Variants in SI observed in about 807,000 individuals in gnomAD.
SI encodes the protein sucrase-isomaltase, also known as sucrase-isomaltase, intestinal.
In SI, 235 loss-of-function variants were observed where a neutral mutation model predicts 253.3. The ratio of observed to expected loss-of-function variants is 0.93; its 90% CI spans 0.83 to 1.03. The LOEUF is 1.03. Among genes scored for constraint, SI ranks in the 50% least tolerant of loss-of-function variants. The pLI is 0.00. For missense variants in SI, 2,442 were observed against 2,211.1 expected, an observed-to-expected ratio of 1.10 and a Z score of -2.09; for synonymous variants, 819 against 712.0, an observed-to-expected ratio of 1.15 and a Z score of -2.39.
upstream of SI, among the ~76,000 whole-genome samples, chr3:165,082,413 C>T (rs1715366430): frequency 2.0e-5 from 3 of 151,928 alleles, no homozygotes; most frequent in South Asian, 4.1e-4. Flanking sequence ...TAAAACCACC[C>T]ACCTCTCACC....
chr3:165,015,111 T>C lies in SI; in HGVS notation c.3999+12A>G. 1 of 1,569,094 alleles carries C rather than the reference T, an allele frequency of 6.4e-7. No individual in the cohort carries two copies. The highest frequency in any genetic ancestry group is 8.8e-7 in the Non-Finnish European group (1 of 1,139,336). On this transcript the variant is annotated intron_variant, in intron 33 of 47. Transcript: ENST00000264382. Reference sequence around the variant, plus strand: ...TTTGTATTTATTCTATTTCAAGATATCGATTTAGTACCTTTGCCCAACAAA... The same window carrying C: ...TTTGTATTTATTCTATTTCAAGATACCGATTTAGTACCTTTGCCCAACAAA...
rs573948727 is a variant in SI, at chr3:165,011,732, TTTA to T, written c.4062+1245_4062+1247del. ...TTATTGTTCTATTTATGTATTATCA[TTTA>T]TTATTTATTTATTCATTATTGTTAT... On this transcript the variant is annotated intron_variant, in intron 34 of 47. Transcript: ENST00000264382. Among the ~76,000 whole-genome samples the T allele has an allele frequency of 3.0e-3, 432 of 145,704 alleles. 5 individuals carry two copies. The highest frequency in any genetic ancestry group is 0.01 in the African/African-American group (413 of 39,854).
At chr3:165,045,596 T>A (rs887581571) in intron 16 of SI, among the ~76,000 whole-genome samples, 34 of 152,050 alleles carry the variant, frequency 2.2e-4, no homozygotes, top group South Asian at 4.1e-4. Flanking sequence ...TTATTTTAAT[T>A]ACTTACATCT....
chr3:165,049,630 T>C (rs1713326741), intron 14 of SI, among the ~76,000 whole-genome samples, 161 bp downstream of exon 14: 1 of 152,098 alleles, frequency 6.6e-6, no homozygotes, highest in African/African-American at 2.4e-5. Context: ...AATATAATCC[T>C]AGGCAGAAAA....
chr3:165,066,098 T>C (rs1291631656), intron 6 of SI, among the ~76,000 whole-genome samples: 2 of 151,910 alleles, frequency 1.3e-5, no homozygotes, highest in African/African-American at 2.4e-5. Flanking sequence ...ACTGAACATA[T>C]ACAGACTTAT....
intron 16 of SI, among the ~76,000 whole-genome samples, chr3:165,043,456 T>C (rs1179594605): frequency 6.6e-6 from 1 of 152,068 alleles, no homozygotes; most frequent in African/African-American, 2.4e-5. Context: ...CATTAATTCA[T>C]TGTAAAAGAT....
chr3:165,075,409 ATAAT>A (rs1714890794), intron 2 of SI, among the ~76,000 whole-genome samples: 1 of 152,102 alleles, frequency 6.6e-6, no homozygotes, highest in East Asian at 1.9e-4. Context: ...TCAGAAACAG[ATAAT>A]TAAACTATCC....
rs891855800 is a variant in SI, at chr3:164,992,207, G to T, written c.4953C>A (p.Val1651=). 1.2e-6 allele frequency: 2 copies of T among 1,611,956 alleles called. No homozygotes were observed. Among genetic ancestry groups the T allele is most frequent in the Non-Finnish European group, 1.7e-6 (2 of 1,179,272 alleles). Residue 1651 remains valine, a synonymous_variant, in exon 43 of 48, where the codon GTC becomes GTA. Transcript: ENST00000264382. The stretch of plus-strand genomic sequence containing the variant: ...GGTAGTCAAACCACCGAGCATTGGG[G>T]ACGTAGGCATTTACAGTTTGAACAT... ...EPYVQTVNAY[V]PNARWFDYHT...
chr3:165,034,621 C>A (rs1397543169), intron 22 of SI, among the ~76,000 whole-genome samples: 3 of 151,900 alleles, frequency 2.0e-5, no homozygotes, highest in Non-Finnish European at 4.4e-5. Flanking sequence ...TAAGAAAGAG[C>A]AAGAAGATTG....
intron 31 of SI, among the ~76,000 whole-genome samples, chr3:165,016,896 G>A (rs1041449729): frequency 9.9e-5 from 15 of 151,796 alleles, no homozygotes; most frequent in African/African-American, 3.1e-4. Flanking sequence ...CTCTATATTG[G>A]ACCCTACTAT....
At chr3:165,054,868 A>G (rs533336740) in intron 13 of SI, among the ~76,000 whole-genome samples, 1 of 152,300 alleles carries the variant, frequency 6.6e-6, no homozygotes, top group African/African-American at 2.4e-5. Context: ...TTGCACTGCA[A>G]TAGGCTTATC....
chr3:165,028,509 T>G (rs1435253855), intron 25 of SI, among the ~76,000 whole-genome samples: 1 of 151,376 alleles, frequency 6.6e-6, no homozygotes, highest in Admixed American at 6.6e-5. Context: ...AGAACAAATC[T>G]GGAGGCATCA....
In SI at chr3:165,005,331, T is replaced by TA. The variant is rs748165915; in HGVS notation, c.4406+1484dup. Among the ~76,000 whole-genome samples, 23 of 151,866 alleles carry TA rather than the reference T, an allele frequency of 1.5e-4. 1 individual carries two copies. In the East Asian group the frequency reaches 1.6e-3, roughly 10 times the overall value. On this transcript the variant is annotated intron_variant, in intron 37 of 47. Transcript: ENST00000264382. ...GTCAATAATAGTTTAATTGTATACT[T>TA]AAAAAAAACCCTAAAAGTGTAATTG...
At chr3:165,029,739 C>G (rs1308349023) in intron 25 of SI, among the ~76,000 whole-genome samples, 1 of 149,720 alleles carries the variant, frequency 6.7e-6, no homozygotes, top group Admixed American at 6.7e-5. Context: ...TCCCACCTGT[C>G]CTTTATATTC....
chr3:165,062,686 TC>T (rs1283987871), intron 8 of SI, among the ~76,000 whole-genome samples: 1 of 152,004 alleles, frequency 6.6e-6, no homozygotes, highest in Non-Finnish European at 1.5e-5. Flanking sequence ...TAATAAAATA[TC>T]CCAGCTATTT....
At chr3:165,080,147 T>A (rs183780960), upstream of SI, among the ~76,000 whole-genome samples, 246 of 152,138 alleles carry the variant, frequency 1.6e-3, no homozygotes, top group African/African-American at 5.5e-3. Context: ...AAACTACTGA[T>A]TTATGCAACA....
intron 37 of SI, among the ~76,000 whole-genome samples, chr3:165,005,794 T>A (rs2108152844): frequency 6.6e-6 from 1 of 152,240 alleles, no homozygotes; most frequent in South Asian, 2.1e-4. Flanking sequence ...TTGCCCAGGC[T>A]GGAATGCAGT....
chr3:164,979,859 AT>A (rs1341047599), intron 47 of SI, among the ~76,000 whole-genome samples: 2 of 151,832 alleles, frequency 1.3e-5, no homozygotes, highest in Non-Finnish European at 2.9e-5. Flanking sequence ...ATCAAAAAAG[AT>A]TTTATGATGC....
chr3:164,982,646 G>C (rs1253719930), intron 46 of SI, among the ~76,000 whole-genome samples: 2 of 152,026 alleles, frequency 1.3e-5, no homozygotes, highest in Non-Finnish European at 2.9e-5. Context: ...GGCTCAGAAA[G>C]TTTGGATTCA....
Sources: gnomAD v4.1 joint callset for allele counts (sites outside exome capture counted in the v4.1 genomes callset) on GRCh38, gnomAD v4.1.1 for gene constraint, MANE v1.5 for transcripts, NCBI Gene and HGNC (gene_info 2026-07-23, HGNC 2026-07-21) for gene names.